SNX1: variants seen among roughly 807,000 people sequenced by gnomAD.
The protein encoded by SNX1 is sorting nexin 1.
A neutral mutation model predicts 71.8 loss-of-function variants in SNX1; 36 were observed. The ratio of observed to expected loss-of-function variants is 0.50; its 90% CI spans 0.38 to 0.66. The LOEUF (loss-of-function observed/expected upper bound fraction) is 0.66, where lower values mean the gene tolerates loss of function less well. SNX1 is among the 30% of genes least tolerant of loss of function. The pLI is 0.00. For synonymous variants in SNX1, 254 were observed against 240.7 expected, an observed-to-expected ratio of 1.06 and a Z score of -0.51; for missense variants, 612 against 646.7, an observed-to-expected ratio of 0.95 and a Z score of 0.58.
chr15:64,123,838 A>T (rs2081220336), intron 5 of SNX1, among the ~76,000 whole-genome samples: 1 of 152,178 alleles, frequency 6.6e-6, no homozygotes, highest in Non-Finnish European at 1.5e-5. Context: ...AGCTAGATTC[A>T]CAGATTGCCC....
intron 1 of SNX1, among the ~76,000 whole-genome samples, chr15:64,096,664 G>T (rs1300796030): frequency 6.6e-6 from 1 of 152,194 alleles, no homozygotes; most frequent in Non-Finnish European, 1.5e-5. Flanking sequence ...GCCCTTTCTG[G>T]ATCTTAGTTT....
intron 1 of SNX1, among the ~76,000 whole-genome samples, chr15:64,109,500 GT>G (rs2081056801): frequency 1.4e-5 from 2 of 144,398 alleles, no homozygotes; most frequent in Admixed American, 1.4e-4. Flanking sequence ...TTTTTGTTTT[GT>G]TTTGTTTTGT....
At chr15:64,096,684 A>AT (rs1473287688) in intron 1 of SNX1, among the ~76,000 whole-genome samples, 3 of 152,154 alleles carry the variant, frequency 2.0e-5, no homozygotes, top group African/African-American at 7.2e-5. Flanking sequence ...TACAAAAGTT[A>AT]TGTTGATTCT....
chr15:64,119,389 C>T (rs888829295), intron 4 of SNX1, among the ~76,000 whole-genome samples: 26 of 152,126 alleles, frequency 1.7e-4, no homozygotes, highest in African/African-American at 5.3e-4. Context: ...CTTAAAGCAC[C>T]GAGATTACAG....
chr15:64,117,585 A>G (rs934566482), intron 2 of SNX1, among the ~76,000 whole-genome samples: 2 of 152,198 alleles, frequency 1.3e-5, no homozygotes, highest in South Asian at 2.1e-4. Context: ...ACAAGAATAA[A>G]TAGGGCTCAT....
chr15:64,129,762 A>C lies in SNX1; in HGVS notation c.808-154A>C. The C allele has an allele frequency of 1.7e-6, 1 of 600,118 alleles. No individual in the cohort carries two copies. Among genetic ancestry groups the C allele is most frequent in the Middle Eastern group, 4.5e-4 (1 of 2,226 alleles). 37.2% of individuals were successfully genotyped at this position (600,118 alleles called of 1,614,324 possible). ...TTTGATTTTTCTGTATGGACATGTT[A>C]GTTGTGGATTCCTCAGACTGCCTTT... On this transcript the variant is annotated intron_variant, in intron 8 of 14. Coordinates refer to ENST00000559844, the MANE Select transcript of SNX1 (RefSeq NM_003099.5). This position sits in a 1 kb window ranked among gnomAD's most constrained non-coding sequence, Gnocchi z 4.4.
At position 64,138,162 on chromosome 15, in the gene SNX1, T is replaced by C; in HGVS notation, c.*544T>C. ...TGCTGCTTCCCTCTGGAAATGGGGT[T>C]TCTTTCTCTCCGCCTACCTCAGCTA... On this transcript the variant is annotated 3_prime_UTR_variant, in exon 15 of 15. Coordinates refer to ENST00000559844, the MANE Select transcript of SNX1 (RefSeq NM_003099.5). 1 of 1,535,596 alleles carries C rather than the reference T, an allele frequency of 6.5e-7. No individual in the cohort carries two copies. The highest frequency in any genetic ancestry group is 1.2e-5 in the South Asian group (1 of 84,012).
chr15:64,124,147 CAT>C (rs10523424), intron 5 of SNX1, among the ~76,000 whole-genome samples: 44 of 105,424 alleles, frequency 4.2e-4, no homozygotes, highest in African/African-American at 1.6e-3. Context: ...GAAATCTTTA[CAT>C]ATATATATAT....
chr15:64,124,178 A>ATATGTATG (rs1445871067), intron 5 of SNX1, among the ~76,000 whole-genome samples: 1 of 123,552 alleles, frequency 8.1e-6, no homozygotes, highest in African/African-American at 2.9e-5. Flanking sequence ...ATATATATAT[A>ATATGTATG]TGACTGTTTT....
At position 64,129,216 on chromosome 15, in the gene SNX1, C is replaced by T. The variant is rs1379634861; in HGVS notation, c.808-700C>T. Among the ~76,000 whole-genome samples the T allele has an allele frequency of 6.6e-6, 1 of 150,626 alleles. No homozygotes were observed. Among genetic ancestry groups the T allele is most frequent in the Non-Finnish European group, 1.5e-5 (1 of 67,850 alleles). ...GAGCTGAGATCGTGCCACTGCACTCCAGCCTGGGCGACAAGAGCAAGACTC... is the reference window on the plus strand; with the variant it reads ...GAGCTGAGATCGTGCCACTGCACTCTAGCCTGGGCGACAAGAGCAAGACTC... On this transcript the variant is annotated intron_variant, in intron 8 of 14. Transcript: ENST00000559844. This position sits in a 1 kb window ranked among gnomAD's most constrained non-coding sequence, Gnocchi z 4.4.
intron 1 of SNX1, among the ~76,000 whole-genome samples, chr15:64,102,403 A>G (rs1428565834): frequency 6.6e-6 from 1 of 152,204 alleles, no homozygotes; most frequent in Non-Finnish European, 1.5e-5. Flanking sequence ...GAACATTAGA[A>G]TTCTTCTAGC....
intron 13 of SNX1, 117 bp from the exon 14 acceptor site, chr15:64,136,744 C>T (rs2081363844): frequency 1.4e-6 from 1 of 730,970 alleles, no homozygotes. Context: ...TACAGCTGTT[C>T]CACCTGCTGC....
chr15:64,141,026 TG>T lies in SNX1; in HGVS notation c.*3409del, dbSNP rs1567337241. 1 of 83,730 alleles carries T rather than the reference TG, an allele frequency of 1.2e-5. No individual in the cohort carries two copies. The highest frequency in any genetic ancestry group is 2.5e-5 in the Non-Finnish European group (1 of 40,018). The allele number at this position is 83,730 out of a possible 1,614,324, so 5.2% of individuals were successfully genotyped here. A position where few individuals can be genotyped will look rare whatever the true frequency, so the allele number is the denominator to read the frequency against. On this transcript the variant is annotated 3_prime_UTR_variant, in exon 15 of 15. Coordinates refer to ENST00000559844, the MANE Select transcript of SNX1 (RefSeq NM_003099.5). The surrounding 1 kb of genome is among the most constrained non-coding windows in gnomAD (Gnocchi z 5.1). ...ATAGATAGATAGATAGATAGATAGA[TG>T]ATAGATATAGATAGATAGATAGATT...
chr15:64,099,904 G>A (rs1387469477), intron 1 of SNX1, among the ~76,000 whole-genome samples: 1 of 152,120 alleles, frequency 6.6e-6, no homozygotes, highest in Admixed American at 6.5e-5. Context: ...TAGAGATGGG[G>A]TTTTACCATG....
rs1234790418 is a variant in SNX1 at position 64,138,914 on chromosome 15, A to G, written c.*1296A>G. 2 of 152,232 alleles carry G rather than the reference A, an allele frequency of 1.3e-5. No homozygotes were observed. Among genetic ancestry groups the G allele is most frequent in the Non-Finnish European group, 2.9e-5 (2 of 68,124 alleles). 9.4% of individuals were successfully genotyped at this position (152,232 alleles called of 1,614,324 possible). On this transcript the variant is annotated 3_prime_UTR_variant, in exon 15 of 15. Coordinates refer to ENST00000559844, the MANE Select transcript of SNX1 (RefSeq NM_003099.5). ...CCACTGGGGCCCCAGGTCCTGCTGT[A>G]TCAGTTCTCTTTGGTGGGGGGCTAA... is the stretch of plus-strand genomic sequence containing the variant.
intron 11 of SNX1, 129 bp downstream of exon 11, chr15:64,132,021 G>T: frequency 1.1e-6 from 1 of 905,566 alleles, no homozygotes; most frequent in Non-Finnish European, 1.7e-6. Flanking sequence ...ACTTTTAAGA[G>T]GAAAGGTATC....
chr15:64,127,851 C>G (rs2081269853), intron 8 of SNX1, 45 bp downstream of exon 8: 2 of 1,470,466 alleles, frequency 1.4e-6, no homozygotes, highest in East Asian at 4.5e-5. Context: ...ATATCTGCCC[C>G]TAGTGAAACG....
Position 64,126,083 on chromosome 15 carries a change from G to A in SNX1, c.515G>A (p.Ser172Asn), listed in dbSNP as rs1399928802. ...GTGTTTTTTCCTGTCCCCAAGACAA[G>A]CTTACCATTGTTCAGAAGCAAACAG... ...YVAYKVTTQT[S>N]LPLFRSKQFA... Residue 172 changes from serine to asparagine, a missense_variant, in exon 6 of 15, where the codon AGC (serine) becomes AAC (asparagine). Ser to Asn is a conservative substitution (Grantham distance 46). Around this residue, in one of 2 missense-constraint regions of SNX1, gnomAD observed 316 missense variants for 284.9 expected, o/e 1.11. Coordinates refer to ENST00000559844, the MANE Select transcript of SNX1 (RefSeq NM_003099.5). 3.1e-6 allele frequency: 5 copies of A among 1,613,994 alleles called. No individual in the cohort carries two copies. Among genetic ancestry groups the A allele is most frequent in the Non-Finnish European group, 4.2e-6 (5 of 1,180,008 alleles).
At position 64,137,940 on chromosome 15, in the gene SNX1, A is replaced by G. The variant is rs2081376920; in HGVS notation, c.*322A>G. On this transcript the variant is annotated 3_prime_UTR_variant, in exon 15 of 15. Coordinates refer to ENST00000559844, the MANE Select transcript of SNX1 (RefSeq NM_003099.5). ...TCAGGATGTGGTTTAGGAACTGGGA[A>G]TAACGTTTTCTGTTACTCCTGATGG... 7.0e-7 allele frequency: 1 copy of G among 1,421,458 alleles called. No individual in the cohort carries two copies. The highest frequency in any genetic ancestry group is 9.1e-7 in the Non-Finnish European group (1 of 1,095,180). The allele number at this position is 1,421,458 out of a possible 1,614,324, so 88.1% of individuals were successfully genotyped here. A position where few individuals can be genotyped will look rare whatever the true frequency, so the allele number is the denominator to read the frequency against.
Sources: gnomAD v4.1 joint callset for allele counts (sites outside exome capture counted in the v4.1 genomes callset) on GRCh38, gnomAD v4.1.1 for gene constraint, gnomAD v4.1.1 regional missense constraint, Gnocchi (gnomAD v3.1) non-coding constraint, MANE v1.5 for transcripts, NCBI Gene and HGNC (gene_info 2026-07-23, HGNC 2026-07-21) for gene names.